The following COL4A2 variants were observed in gnomAD, a reference collection of about 807,000 sequenced individuals.
COL4A2 encodes the protein collagen alpha-2(IV) chain.
COL4A2 carries 99 observed loss-of-function variants against 200.2 expected under a neutral mutation model. The ratio of observed to expected loss-of-function variants is 0.49; its 90% CI spans 0.42 to 0.58. COL4A2 has a LOEUF of 0.58. Ranked by LOEUF, COL4A2 falls within the 20% of genes least tolerant of loss-of-function variation. The pLI, the probability that COL4A2 is intolerant of heterozygous loss-of-function variation, is 0.00. For synonymous variants in COL4A2, 897 were observed against 900.6 expected (o/e 1.00, Z 0.07); for missense variants, 1,950 against 2,314.1 (o/e 0.84, Z 3.23).
intron 33 of COL4A2, among the ~76,000 whole-genome samples, chr13:110,485,274 A>G (rs971682218): frequency 8.5e-5 from 13 of 152,212 alleles, no homozygotes; most frequent in Non-Finnish European, 1.8e-4. Flanking sequence ...CTGTAATCCC[A>G]GCACTTTGGG....
At chr13:110,456,952 G>A (rs1300448451) in intron 20 of COL4A2, 2 of 447,548 alleles carry the variant, frequency 4.5e-6, no homozygotes, top group East Asian at 7.3e-5. Flanking sequence ...CTGCGTCTGC[G>A]TGGGACCCCA....
At chr13:110,387,424 C>T (rs752817867) in intron 4 of COL4A2, among the ~76,000 whole-genome samples, 41 of 152,206 alleles carry the variant, frequency 2.7e-4, no homozygotes, top group Non-Finnish European at 5.3e-4. Context: ...CCGGACATCA[C>T]GGGCGCTTCC....
intron 3 of COL4A2, among the ~76,000 whole-genome samples, chr13:110,355,376 C>T (rs543819367): frequency 1.7e-5 from 2 of 119,988 alleles, no homozygotes; most frequent in South Asian, 6.0e-4. Flanking sequence ...TGCACTAGCT[C>T]ACCTGTGTGG....
chr13:110,469,892 A>G (rs898217704), intron 28 of COL4A2, among the ~76,000 whole-genome samples: 4 of 131,564 alleles, frequency 3.0e-5, no homozygotes, highest in Admixed American at 1.6e-4. Context: ...CCTTGATTGC[A>G]GGGGCATACA....
intron 4 of COL4A2, among the ~76,000 whole-genome samples, chr13:110,423,400 TGGACACAGGGA>T (rs1410234782): frequency 6.6e-6 from 1 of 152,024 alleles, no homozygotes; most frequent in Non-Finnish European, 1.5e-5. Flanking sequence ...TGTGAACACA[TGGACACAGGGA>T]GGGAAACAAC....
chr13:110,443,543 A>G (rs867313605), intron 16 of COL4A2, among the ~76,000 whole-genome samples: 7 of 152,228 alleles, frequency 4.6e-5, no homozygotes, highest in Middle Eastern at 3.2e-3. Flanking sequence ...TGAATCATAT[A>G]TATGACCTCA....
chr13:110,326,447 C>T (rs1885415867), intron 3 of COL4A2, among the ~76,000 whole-genome samples: 1 of 152,208 alleles, frequency 6.6e-6, no homozygotes, highest in African/African-American at 2.4e-5. Context: ...TTCTGCTCCC[C>T]TGAGTCACGG....
rs1402768659 is a variant in COL4A2, at chr13:110,508,425, C to T, written c.4881+204C>T. 2.5e-6 allele frequency: 2 copies of T among 795,602 alleles called. No homozygotes were observed. The highest frequency in any genetic ancestry group is 1.7e-5 in the African/African-American group (1 of 57,494). The allele number at this position is 795,602 out of a possible 1,614,324, so 49.3% of individuals were successfully genotyped here. A position where few individuals can be genotyped will look rare whatever the true frequency, so the allele number is the denominator to read the frequency against. ...CATGCTGGGCACAGGGCTTCCTCCA[C>T]CCAGAAAGGGCTCATTAATTTGCCA... On this transcript the variant is annotated intron_variant, in intron 47 of 47. Coordinates refer to ENST00000360467, the MANE Select transcript of COL4A2 (RefSeq NM_001846.4). The surrounding 1 kb of genome is among the most constrained non-coding windows in gnomAD (Gnocchi z 6.1).
At chr13:110,336,380 AG>A (rs1160681020) in intron 3 of COL4A2, among the ~76,000 whole-genome samples, 20 of 152,200 alleles carry the variant, frequency 1.3e-4, no homozygotes, top group Non-Finnish European at 1.5e-5. Context: ...ATCAAAATGA[AG>A]TTGGACAAGT....
At chr13:110,381,663 G>T (rs1406476560) in intron 4 of COL4A2, among the ~76,000 whole-genome samples, 1 of 152,170 alleles carries the variant, frequency 6.6e-6, no homozygotes, top group Non-Finnish European at 1.5e-5. Context: ...GCTTGAATTT[G>T]CATCTGGGAA....
intron 28 of COL4A2, among the ~76,000 whole-genome samples, chr13:110,472,185 G>T (rs1397797930): frequency 1.4e-5 from 2 of 146,870 alleles, no homozygotes; most frequent in Admixed American, 7.0e-5. Context: ...GTGCGATCTT[G>T]GCTCACTGCA....
In COL4A2 at chr13:110,347,895, CA is replaced by C. The variant is rs1291463334; in HGVS notation, c.100-9576del. On this transcript the variant is annotated intron_variant, in intron 3 of 47. Transcript: ENST00000360467. ...AACACGGGGCTTGTTGCCGATGACT[CA>C]GGGGAGGGCACCGAACGTCATGCCT... Among the ~76,000 whole-genome samples the C allele has an allele frequency of 2.0e-5, 3 of 152,346 alleles. No homozygotes were observed. In the South Asian group the frequency reaches 6.2e-4, roughly 32 times the overall value.
At chr13:110,316,761 A>G (rs759618444) in intron 3 of COL4A2, among the ~76,000 whole-genome samples, 3 of 152,192 alleles carry the variant, frequency 2.0e-5, no homozygotes, top group Non-Finnish European at 4.4e-5. Context: ...AATAGGAACA[A>G]AGTGGGGAGT....
chr13:110,450,315 A>C lies in COL4A2; in HGVS notation c.1200A>C (p.Arg400Ser). The C allele has an allele frequency of 6.2e-7, 1 of 1,613,558 alleles. No homozygotes were observed. The highest frequency in any genetic ancestry group is 8.5e-7 in the Non-Finnish European group (1 of 1,179,646). Residue 400 changes from arginine to serine, a missense_variant, in exon 20 of 48, where the codon AGA becomes AGC. By Grantham distance (110) the Arg-to-Ser change is moderately radical. Transcript: ENST00000360467. Reference sequence around the variant, plus strand: ...GCTGTTTGGTTTCAGATCAGAGGAGAGGCCTGCCGGGTGAGATGGGACCCA... The same window carrying C: ...GCTGTTTGGTTTCAGATCAGAGGAGCGGCCTGCCGGGTGAGATGGGACCCA... The part of the protein sequence containing the change: ...GLSIGDGDQR[R>S]GLPGEMGPKG...
rs1177018457 is a variant in COL4A2, at chr13:110,496,544, G to C, written c.3760+1077G>C. ...AGGACAGTCCACCAGCACAGCCTCA[G>C]CCAGCGGTGAGGATCTAGGGTCAGT... On this transcript the variant is annotated intron_variant, in intron 40 of 47. Coordinates refer to ENST00000360467, the MANE Select transcript of COL4A2 (RefSeq NM_001846.4). Among the ~76,000 whole-genome samples, 7 of 151,938 alleles carry C rather than the reference G, an allele frequency of 4.6e-5. No individual in the cohort carries two copies. In the East Asian group the frequency reaches 9.7e-4, roughly 21 times the overall value.
At chr13:110,363,157 G>A (rs1009684008) in intron 4 of COL4A2, among the ~76,000 whole-genome samples, 41 of 152,304 alleles carry the variant, frequency 2.7e-4, no homozygotes, top group African/African-American at 9.4e-4. Flanking sequence ...GCCCCTGAAC[G>A]AGTGAGTGGA....
chr13:110,499,968 C>T (rs533585687), intron 40 of COL4A2, among the ~76,000 whole-genome samples: 2 of 152,354 alleles, frequency 1.3e-5, no homozygotes, highest in South Asian at 4.1e-4. Flanking sequence ...TATCAAACTA[C>T]AGATGGTGGC....
chr13:110,457,378 G>T lies in COL4A2; in HGVS notation c.1375G>T (p.Ala459Ser), dbSNP rs202017641. 6.2e-7 allele frequency: 1 copy of T among 1,613,276 alleles called. No homozygotes were observed. Among genetic ancestry groups the T allele is most frequent in the South Asian group, 1.1e-5 (1 of 91,074 alleles). The change falls in exon 21 of 48, where the codon GCA (alanine) becomes TCA (serine). Residue 459 changes from alanine to serine, a missense_variant. Ala to Ser is a moderately conservative substitution (Grantham distance 99). Transcript: ENST00000360467. Reference protein sequence around the residue: ...LFGLKGAKGRAGFPGLPGSPG... With the variant: ...LFGLKGAKGRSGFPGLPGSPG... ...TGGGCTGAAAGGAGCAAAAGGAAGA[G>T]CAGGCTTCCCTGGGCTTCCCGGCTC... is the stretch of plus-strand genomic sequence containing the variant.
chr13:110,431,555 T>C (rs1880682063), intron 10 of COL4A2, among the ~76,000 whole-genome samples: 1 of 152,208 alleles, frequency 6.6e-6, no homozygotes, highest in African/African-American at 2.4e-5. Context: ...ATCAGGGTCA[T>C]ACGAGGCGCT....
Sources: gnomAD v4.1 joint callset for allele counts (sites outside exome capture counted in the v4.1 genomes callset) on GRCh38, gnomAD v4.1.1 for gene constraint, Gnocchi (gnomAD v3.1) non-coding constraint, MANE v1.5 for transcripts, NCBI Gene and HGNC (gene_info 2026-07-23, HGNC 2026-07-21) for gene names.